SGCZ: variants seen among roughly 807,000 people sequenced by gnomAD.
SGCZ encodes the protein sarcoglycan zeta.
In SGCZ, 40 loss-of-function variants were observed where a neutral mutation model predicts 41.3. That is an observed-to-expected ratio of 0.97 (90% CI 0.75 to 1.26). SGCZ has a LOEUF of 1.26. Among genes scored for constraint, SGCZ ranks in the 50% most tolerant of loss-of-function variants. The pLI, the probability that SGCZ is intolerant of heterozygous loss-of-function variation, is 0.00. For synonymous variants in SGCZ, 206 were observed against 137.5 expected (o/e 1.50, Z -3.49); for missense variants, 552 against 369.8 (o/e 1.49, Z -4.04).
At chr8:14,234,389 T>G (rs1806682169) in intron 4 of SGCZ, among the ~76,000 whole-genome samples, 1 of 152,034 alleles carries the variant, frequency 6.6e-6, no homozygotes, top group Non-Finnish European at 1.5e-5. Context: ...GGAATGGATA[T>G]TCGCTTTGCT....
At chr8:14,526,355 T>C (rs1028698992) in intron 2 of SGCZ, among the ~76,000 whole-genome samples, 2 of 152,160 alleles carry the variant, frequency 1.3e-5, no homozygotes, top group African/African-American at 4.8e-5. Flanking sequence ...AGAGTTCTTT[T>C]CTATTTGATG....
intron 5 of SGCZ, among the ~76,000 whole-genome samples, chr8:14,115,696 C>A (rs73520385): frequency 0.021 from 3,225 of 151,294 alleles, 143 homozygotes; most frequent in African/African-American, 0.075. Flanking sequence ...TAACCCTTTC[C>A]TTGATAACCT....
intron 1 of SGCZ, among the ~76,000 whole-genome samples, chr8:15,198,764 T>C (rs1585665535): frequency 1.3e-5 from 2 of 152,162 alleles, no homozygotes; most frequent in Admixed American, 1.3e-4. Context: ...ATATTGAGCA[T>C]GGGGGAATCA....
At chr8:14,890,527 G>A (rs565278619) in intron 1 of SGCZ, among the ~76,000 whole-genome samples, 2 of 152,294 alleles carry the variant, frequency 1.3e-5, no homozygotes, top group South Asian at 4.1e-4. Flanking sequence ...AACAAGAAAA[G>A]TTTGAAGCTA....
intron 1 of SGCZ, among the ~76,000 whole-genome samples, chr8:15,034,697 C>T (rs28840533): frequency 0.13 from 19,273 of 151,972 alleles, 1,683 homozygotes; most frequent in African/African-American, 0.24. Flanking sequence ...CAAGAGAGGA[C>T]CCTGAAAGCA....
At chr8:15,186,526 T>C (rs574717477) in intron 1 of SGCZ, among the ~76,000 whole-genome samples, 2 of 152,190 alleles carry the variant, frequency 1.3e-5, no homozygotes, top group Admixed American at 1.3e-4. Flanking sequence ...TAAACAAAGA[T>C]CATCAGCATA....
chr8:14,854,021 TTATATATATATATATATATATATATA>T (rs10604213), intron 1 of SGCZ, among the ~76,000 whole-genome samples: 2 of 107,676 alleles, frequency 1.9e-5, no homozygotes, highest in East Asian at 3.0e-4. Flanking sequence ...TGTGATTATA[TTATATATATATATATATATATATATA>T]TATATATATC....
intron 1 of SGCZ, among the ~76,000 whole-genome samples, chr8:15,097,011 C>T (rs1214975151): frequency 6.6e-6 from 1 of 152,014 alleles, no homozygotes; most frequent in African/African-American, 2.4e-5. Context: ...GATGGGAGGT[C>T]TCACTGTGTT....
At chr8:14,819,473 G>T (rs1802007417) in intron 1 of SGCZ, among the ~76,000 whole-genome samples, 1 of 152,036 alleles carries the variant, frequency 6.6e-6, no homozygotes, top group Non-Finnish European at 1.5e-5. Flanking sequence ...GGCCTTATAG[G>T]GAACACTCAA....
chr8:14,638,881 T>C (rs184544147), intron 1 of SGCZ, among the ~76,000 whole-genome samples: 64 of 151,922 alleles, frequency 4.2e-4, no homozygotes, highest in African/African-American at 1.0e-3. Flanking sequence ...AAATCATGTG[T>C]GGCATTCATC....
intron 1 of SGCZ, among the ~76,000 whole-genome samples, chr8:14,776,413 A>AC (rs1800402474): frequency 6.6e-6 from 1 of 151,668 alleles, no homozygotes; most frequent in South Asian, 2.1e-4. Flanking sequence ...CTCTGCCTTC[A>AC]CCGTGACTGA....
At chr8:14,167,226 A>G (rs746716623) in intron 4 of SGCZ, among the ~76,000 whole-genome samples, 11 of 152,176 alleles carry the variant, frequency 7.2e-5, no homozygotes, top group Non-Finnish European at 1.0e-4. Context: ...TCTAAGATGC[A>G]CTGTGTTACT....
chr8:14,193,434 A>G (rs1805168310), intron 4 of SGCZ, among the ~76,000 whole-genome samples: 1 of 152,044 alleles, frequency 6.6e-6, no homozygotes, highest in Admixed American at 6.6e-5. Flanking sequence ...AACTGTGGCA[A>G]CATTAAAATG....
intron 1 of SGCZ, among the ~76,000 whole-genome samples, chr8:15,163,802 A>G (rs1301127047): frequency 1.3e-5 from 2 of 152,242 alleles, no homozygotes; most frequent in Non-Finnish European, 2.9e-5. Flanking sequence ...GATAAATAGT[A>G]TACTAAGTTT....
At chr8:14,909,788 G>GTT (rs1463623528) in intron 1 of SGCZ, among the ~76,000 whole-genome samples, 1 of 152,018 alleles carries the variant, frequency 6.6e-6, no homozygotes, top group Non-Finnish European at 1.5e-5. Context: ...AAGCACTCTG[G>GTT]TTTGTCCATC....
At position 15,136,544 on chromosome 8, in the gene SGCZ, G is replaced by T. The variant is rs541226301; in HGVS notation, c.39+101041C>A. On this transcript the variant is annotated intron_variant, in intron 1 of 7. Coordinates refer to ENST00000382080, the MANE Select transcript of SGCZ (RefSeq NM_139167.4). Reference sequence around the variant, plus strand: ...TGAATTGTAGATCCCATAATCCTCAGGTGTCATGGGAGGAACCAGCTGGAG... The same window carrying T: ...TGAATTGTAGATCCCATAATCCTCATGTGTCATGGGAGGAACCAGCTGGAG... Among the ~76,000 whole-genome samples the T allele has an allele frequency of 1.4e-4, 22 of 152,188 alleles. No individual in the cohort carries two copies. In the South Asian group the frequency reaches 4.6e-3, roughly 32 times the overall value.
intron 5 of SGCZ, among the ~76,000 whole-genome samples, chr8:14,154,392 A>C (rs1273654960): frequency 4.5e-3 from 1 of 220 alleles, no homozygotes; most frequent in East Asian, 0.5. Flanking sequence ...CAGCAACAAC[A>C]AAAAAAAACC....
chr8:14,326,456 T>C (rs1802121541), intron 2 of SGCZ, among the ~76,000 whole-genome samples: 1 of 152,240 alleles, frequency 6.6e-6, no homozygotes, highest in East Asian at 1.9e-4. Flanking sequence ...TTTAAATTTT[T>C]TAAAAAGCCA....
At chr8:14,786,480 C>G (rs181620026) in intron 1 of SGCZ, among the ~76,000 whole-genome samples, 4 of 151,770 alleles carry the variant, frequency 2.6e-5, no homozygotes, top group African/African-American at 9.7e-5. Flanking sequence ...TTTTATGTAC[C>G]ATGATACAAC....
Sources: allele counts gnomAD v4.1 joint callset (sites outside exome capture counted in the v4.1 genomes callset), GRCh38; gene constraint gnomAD v4.1.1; transcripts MANE v1.5; gene names NCBI Gene and HGNC (gene_info 2026-07-23, HGNC 2026-07-21).